Variants in CNTN5 observed in about 807,000 individuals in gnomAD.
CNTN5 encodes the protein contactin-5.
In CNTN5, 77 loss-of-function variants were observed where a neutral mutation model predicts 129.1. The ratio of observed to expected loss-of-function variants is 0.60; its 90% confidence interval spans 0.50 to 0.72. The LOEUF is 0.72. CNTN5 is among the 30% of genes least tolerant of loss of function. The pLI, the probability that CNTN5 is intolerant of heterozygous loss-of-function variation, is 0.00. For synonymous variants in CNTN5, 509 were observed against 465.6 expected (o/e 1.09, Z -1.20); for missense variants, 1,478 against 1,328.8 (o/e 1.11, Z -1.75).
At chr11:99,749,666 G>A (rs906832175) in intron 3 of CNTN5, among the ~76,000 whole-genome samples, 1 of 152,164 alleles carries the variant, frequency 6.6e-6, no homozygotes, top group Non-Finnish European at 1.5e-5. Context: ...TCTGAATCTG[G>A]ACATTACTGT....
intron 8 of CNTN5, among the ~76,000 whole-genome samples, chr11:99,996,208 C>G (rs769491793): frequency 6.6e-6 from 1 of 152,074 alleles, no homozygotes; most frequent in Non-Finnish European, 1.5e-5. Context: ...TTTTTCCCAT[C>G]TAGTGCCTTT....
chr11:99,916,789 A>T (rs542865206), intron 7 of CNTN5, among the ~76,000 whole-genome samples: 36 of 152,208 alleles, frequency 2.4e-4, no homozygotes, highest in Admixed American at 1.7e-3. Context: ...ATAATTTGAG[A>T]TGAGTACTCC....
intron 1 of CNTN5, among the ~76,000 whole-genome samples, chr11:99,269,238 T>C (rs897339414): frequency 6.6e-6 from 1 of 151,956 alleles, no homozygotes; most frequent in Non-Finnish European, 1.5e-5. Context: ...TTTCTTTGTT[T>C]TTAAAATAGA....
intron 4 of CNTN5, among the ~76,000 whole-genome samples, chr11:99,824,196 C>G (rs1946884268): frequency 6.6e-6 from 1 of 151,944 alleles, no homozygotes; most frequent in Non-Finnish European, 1.5e-5. Context: ...TGTAACATTT[C>G]CAGATACTGT....
intron 6 of CNTN5, among the ~76,000 whole-genome samples, chr11:99,910,998 T>C (rs1360231488): frequency 1.3e-5 from 2 of 152,180 alleles, no homozygotes; most frequent in East Asian, 3.9e-4. Context: ...TTGTCCGTTG[T>C]TTTTACAGAA....
chr11:99,497,954 A>G (rs1946288559), intron 2 of CNTN5, among the ~76,000 whole-genome samples: 1 of 152,106 alleles, frequency 6.6e-6, no homozygotes, highest in Admixed American at 6.5e-5. Flanking sequence ...CAAAGTTCTA[A>G]TCATCAGACA....
chr11:99,228,722 G>T (rs930994444), intron 1 of CNTN5, among the ~76,000 whole-genome samples: 4 of 151,778 alleles, frequency 2.6e-5, no homozygotes, highest in Middle Eastern at 3.4e-3. Flanking sequence ...TTTTTCCTAA[G>T]TTCATATGCT....
At chr11:100,104,629 G>A (rs1945354314) in intron 13 of CNTN5, among the ~76,000 whole-genome samples, 1 of 152,024 alleles carries the variant, frequency 6.6e-6, no homozygotes, top group Non-Finnish European at 1.5e-5. Context: ...CTTTACATGG[G>A]TTATATCGAT....
At chr11:99,928,642 C>T (rs1194891553) in intron 7 of CNTN5, among the ~76,000 whole-genome samples, 1 of 152,198 alleles carries the variant, frequency 6.6e-6, no homozygotes, top group Admixed American at 6.5e-5. Context: ...CTTGAGTCTG[C>T]ACAAAGCAGC....
At chr11:99,102,895 C>G (rs779327284) in intron 1 of CNTN5, among the ~76,000 whole-genome samples, 1 of 152,002 alleles carries the variant, frequency 6.6e-6, no homozygotes, top group Admixed American at 6.6e-5. Context: ...TCCATTTTCA[C>G]GGTGCTAATG....
At chr11:100,314,461 C>A (rs1444828012) in intron 21 of CNTN5, among the ~76,000 whole-genome samples, 4 of 151,960 alleles carry the variant, frequency 2.6e-5, no homozygotes, top group African/African-American at 7.3e-5. Flanking sequence ...GATTTATTTC[C>A]TTCTAGAATA....
chr11:99,575,106 A>G (rs1304614171), intron 3 of CNTN5, among the ~76,000 whole-genome samples: 1 of 152,202 alleles, frequency 6.6e-6, no homozygotes, highest in Non-Finnish European at 1.5e-5. Context: ...TTGTTTTCCA[A>G]TAATCTCATA....
intron 3 of CNTN5, among the ~76,000 whole-genome samples, chr11:99,641,441 A>G (rs1251121004): frequency 6.6e-6 from 1 of 152,088 alleles, no homozygotes; most frequent in Non-Finnish European, 1.5e-5. Flanking sequence ...CAAAGGGAAC[A>G]GGTAGAAGTT....
At chr11:99,710,084 C>T (rs960660980) in intron 3 of CNTN5, among the ~76,000 whole-genome samples, 4 of 151,752 alleles carry the variant, frequency 2.6e-5, no homozygotes, top group Non-Finnish European at 5.9e-5. Context: ...AAGCAAAGAA[C>T]GCACCTGCTA....
At chr11:99,535,766 C>A (rs1297867767) in intron 2 of CNTN5, among the ~76,000 whole-genome samples, 1 of 152,088 alleles carries the variant, frequency 6.6e-6, no homozygotes, top group Admixed American at 6.5e-5. Context: ...TTCTCTTTGT[C>A]TCTGGCTTTG....
chr11:100,340,410 C>T (rs1039525930), intron 21 of CNTN5, 53 bp from the exon 22 acceptor site: 55 of 1,382,390 alleles, frequency 4.0e-5, no homozygotes, highest in Non-Finnish European at 5.1e-5. Context: ...CAAGCAGCCA[C>T]AAGCACAGAG....
At chr11:99,859,460 A>C (rs1435287968) in intron 6 of CNTN5, among the ~76,000 whole-genome samples, 2 of 152,154 alleles carry the variant, frequency 1.3e-5, no homozygotes. Context: ...CCCATCACCC[A>C]GTTACTTAGC....
intron 1 of CNTN5, among the ~76,000 whole-genome samples, chr11:99,212,153 G>T (rs1859834868): frequency 6.6e-6 from 1 of 152,084 alleles, no homozygotes; most frequent in Non-Finnish European, 1.5e-5. Flanking sequence ...TGCTTGCCAG[G>T]GCTGGGATAT....
intron 1 of CNTN5, among the ~76,000 whole-genome samples, chr11:99,194,751 G>T (rs979359028): frequency 6.6e-6 from 1 of 152,068 alleles, no homozygotes; most frequent in Non-Finnish European, 1.5e-5. Flanking sequence ...GACTACAGGT[G>T]CATGCCGCCA....
Sources: allele counts gnomAD v4.1 joint callset (sites outside exome capture counted in the v4.1 genomes callset), GRCh38; gene constraint gnomAD v4.1.1; transcripts MANE v1.5; gene names NCBI Gene and HGNC (gene_info 2026-07-23, HGNC 2026-07-21).